NBAS: variants seen among roughly 807,000 people sequenced by gnomAD.
The protein encoded by NBAS is NBAS subunit of NRZ tethering complex.
In NBAS, 219 loss-of-function variants were observed where a neutral mutation model predicts 302.5. The observed-to-expected ratio is 0.72, with a 90% confidence interval of 0.65 to 0.81. NBAS has a LOEUF of 0.81. Ranked by LOEUF, NBAS falls within the 30% of genes least tolerant of loss-of-function variation. The pLI, the probability that NBAS is intolerant of heterozygous loss-of-function variation, is 0.00. For synonymous variants in NBAS, 1,118 were observed against 1,021.6 expected (o/e 1.09, Z -1.80); for missense variants, 2,932 against 2,841.6 (o/e 1.03, Z -0.72).
chr2:15,004,667 A>ATTT, the NBAS span, among the ~76,000 whole-genome samples: 1,795 of 105,366 alleles, frequency 0.017, 67 homozygotes, highest in African/African-American at 0.021. Context: ...CTCCCAGCTG[A>ATTT]TTTTTTTTTT....
chr2:15,496,352 G>T (rs1013514725), intron 11 of NBAS, among the ~76,000 whole-genome samples: 5 of 152,070 alleles, frequency 3.3e-5, no homozygotes, highest in African/African-American at 1.2e-4. Flanking sequence ...TGATAATTAA[G>T]GGATGCAGGG....
At chr2:15,049,902 T>A in the NBAS span, among the ~76,000 whole-genome samples, 1 of 152,184 alleles carries the variant, frequency 6.6e-6, no homozygotes, top group South Asian at 2.1e-4. Flanking sequence ...AACACAGCTT[T>A]GTCCAGGTGC....
chr2:14,980,511 A>G, the NBAS span, among the ~76,000 whole-genome samples: 1 of 152,204 alleles, frequency 6.6e-6, no homozygotes, highest in Non-Finnish European at 1.5e-5. Flanking sequence ...AAAGACTTCT[A>G]ATTTCTGCTG....
chr2:14,842,258 T>C, the NBAS span, among the ~76,000 whole-genome samples: 1 of 151,778 alleles, frequency 6.6e-6, no homozygotes, highest in South Asian at 2.1e-4. Context: ...AACAACCTCA[T>C]GATGCACCTC....
the NBAS span, among the ~76,000 whole-genome samples, chr2:15,016,471 G>A: frequency 6.6e-6 from 1 of 152,090 alleles, no homozygotes; most frequent in African/African-American, 2.4e-5. Context: ...AATAATTGAA[G>A]AGACTATAAA....
At chr2:15,341,340 A>G (rs1672839978) in intron 35 of NBAS, among the ~76,000 whole-genome samples, 1 of 152,014 alleles carries the variant, frequency 6.6e-6, no homozygotes, top group Non-Finnish European at 1.5e-5. Flanking sequence ...AAGCCAAGAT[A>G]GTGCCAATGA....
chr2:15,136,620 G>C, the NBAS span, among the ~76,000 whole-genome samples: 2 of 152,210 alleles, frequency 1.3e-5, no homozygotes, highest in Admixed American at 1.3e-4. Flanking sequence ...GATGGTATTA[G>C]GAGGTGGGCC....
intron 9 of NBAS, among the ~76,000 whole-genome samples, chr2:15,520,156 C>T (rs1662593711): frequency 6.6e-6 from 1 of 152,072 alleles, no homozygotes; most frequent in African/African-American, 2.4e-5. Context: ...AATTCCAGCA[C>T]TTTGGGAGGC....
At chr2:15,040,951 C>T in the NBAS span, among the ~76,000 whole-genome samples, 4 of 152,200 alleles carry the variant, frequency 2.6e-5, no homozygotes, top group African/African-American at 9.7e-5. Context: ...CATTGAGCTA[C>T]TGCCTAATTA....
At chr2:15,435,391 C>T (rs1677961415) in intron 21 of NBAS, among the ~76,000 whole-genome samples, 1 of 152,228 alleles carries the variant, frequency 6.6e-6, no homozygotes, top group Non-Finnish European at 1.5e-5. Flanking sequence ...AACCATTCAA[C>T]TCTGCCCAGC....
chr2:14,858,075 A>G, the NBAS span, among the ~76,000 whole-genome samples: 2 of 152,252 alleles, frequency 1.3e-5, no homozygotes, highest in East Asian at 3.9e-4. Context: ...GATCCTCAAC[A>G]TCACTGATCA....
chr2:15,099,720 T>C, the NBAS span, among the ~76,000 whole-genome samples: 1 of 151,928 alleles, frequency 6.6e-6, no homozygotes, highest in Admixed American at 6.6e-5. Context: ...CCAAGATGGC[T>C]TGACCACCGA....
At chr2:15,122,772 C>T in the NBAS span, among the ~76,000 whole-genome samples, 1 of 152,188 alleles carries the variant, frequency 6.6e-6, no homozygotes, top group East Asian at 1.9e-4. Flanking sequence ...ACTCTCTACA[C>T]TCAAATATCT....
At chr2:15,168,849 G>A (rs951323950) in intron 51 of NBAS, among the ~76,000 whole-genome samples, 2 of 152,144 alleles carry the variant, frequency 1.3e-5, no homozygotes, top group Non-Finnish European at 2.9e-5. Flanking sequence ...GGCTGGTCTC[G>A]AACTCCTGAC....
chr2:15,163,943 T>C (rs1572380400), downstream of NBAS, among the ~76,000 whole-genome samples: 4 of 152,242 alleles, frequency 2.6e-5, no homozygotes, highest in Admixed American at 2.0e-4. Flanking sequence ...ATTATAGGCG[T>C]GCGCCACCAC....
At chr2:15,465,439 A>G (rs11899730) in intron 19 of NBAS, among the ~76,000 whole-genome samples, 1,882 of 152,188 alleles carry the variant, frequency 0.012, 36 homozygotes, top group African/African-American at 0.043. Flanking sequence ...TACAATGTGA[A>G]CTCCATGAAG....
chr2:15,384,796 T>C (rs538265549), intron 28 of NBAS, among the ~76,000 whole-genome samples: 35 of 152,340 alleles, frequency 2.3e-4, no homozygotes, highest in Admixed American at 2.0e-3. Flanking sequence ...AGCAGGTTTT[T>C]GTTTTAAATT....
chr2:15,151,893 G>T, the NBAS span, among the ~76,000 whole-genome samples: 5 of 152,014 alleles, frequency 3.3e-5, no homozygotes, highest in African/African-American at 1.2e-4. Context: ...TCTCACCCAA[G>T]CTGGAGTGCA....
intron 45 of NBAS, among the ~76,000 whole-genome samples, chr2:15,237,000 C>A (rs985097748): frequency 6.6e-6 from 1 of 152,158 alleles, no homozygotes; most frequent in Non-Finnish European, 1.5e-5. Flanking sequence ...TCTCCACTGA[C>A]TGATCTTTCT....
Sources: gnomAD v4.1 joint callset for allele counts (sites outside exome capture counted in the v4.1 genomes callset) on GRCh38, gnomAD v4.1.1 for gene constraint, MANE v1.5 for transcripts, NCBI Gene and HGNC (gene_info 2026-07-23, HGNC 2026-07-21) for gene names.